Variants in DCC observed in about 807,000 individuals in gnomAD.
DCC encodes DCC netrin 1 receptor, also known as netrin receptor DCC.
In DCC, 58 loss-of-function variants were observed where a neutral mutation model predicts 172.5. The ratio of observed to expected loss-of-function variants is 0.34; its 90% confidence interval spans 0.27 to 0.42. The LOEUF (loss-of-function observed/expected upper bound fraction) is 0.42, where lower values mean the gene tolerates loss of function less well. DCC is among the 10% of genes least tolerant of loss of function. The pLI is 1.00. For missense variants in DCC, 1,740 were observed against 1,791.0 expected, an observed-to-expected ratio of 0.97 and a Z score of 0.51; for synonymous variants, 709 against 644.5, an observed-to-expected ratio of 1.10 and a Z score of -1.52.
chr18:52,369,563 C>A (rs1216910655), intron 1 of DCC, among the ~76,000 whole-genome samples: 6 of 151,944 alleles, frequency 3.9e-5, no homozygotes, highest in African/African-American at 1.5e-4. Context: ...AAACACTTTG[C>A]AAATGGAGGA....
At chr18:53,191,024 A>G (rs1347594309) in intron 9 of DCC, among the ~76,000 whole-genome samples, 22 of 152,224 alleles carry the variant, frequency 1.4e-4, no homozygotes, top group Admixed American at 1.4e-3. Context: ...ACTAACCGTC[A>G]TGCCAACGAC....
intron 2 of DCC, among the ~76,000 whole-genome samples, chr18:52,778,585 G>A (rs994923385): frequency 2.6e-5 from 4 of 152,092 alleles, no homozygotes; most frequent in African/African-American, 9.7e-5. Context: ...GCTTCCTTTA[G>A]ATACATATTT....
chr18:53,394,450 G>A (rs556035617), intron 17 of DCC, among the ~76,000 whole-genome samples: 1 of 152,172 alleles, frequency 6.6e-6, no homozygotes, highest in Non-Finnish European at 1.5e-5. Context: ...TGTTTTGATT[G>A]TCTAAAACCC....
chr18:52,714,330 ATT>A (rs2145061435), intron 1 of DCC, among the ~76,000 whole-genome samples: 1 of 152,316 alleles, frequency 6.6e-6, no homozygotes, highest in South Asian at 2.1e-4. Context: ...TTATTTGAAA[ATT>A]TCGATGAACA....
At chr18:53,314,952 T>A (rs1014211991) in intron 13 of DCC, among the ~76,000 whole-genome samples, 5 of 152,192 alleles carry the variant, frequency 3.3e-5, no homozygotes, top group African/African-American at 1.2e-4. Context: ...CTAGATGGCC[T>A]CTAAACTGCT....
At chr18:52,941,500 G>GTA (rs139847306) in intron 5 of DCC, among the ~76,000 whole-genome samples, 7 of 125,162 alleles carry the variant, frequency 5.6e-5, no homozygotes, top group African/African-American at 2.0e-4. Flanking sequence ...GTGTGTGTGT[G>GTA]TGTATATATA....
intron 27 of DCC, among the ~76,000 whole-genome samples, chr18:53,522,943 C>G (rs1047026732): frequency 2.6e-5 from 4 of 152,148 alleles, no homozygotes; most frequent in African/African-American, 9.7e-5. Context: ...AGAGCTTCTT[C>G]ATAGCAAAAG....
intron 12 of DCC, among the ~76,000 whole-genome samples, chr18:53,280,898 C>A (rs1011184801): frequency 5.3e-5 from 8 of 151,974 alleles, no homozygotes; most frequent in Non-Finnish European, 1.0e-4. Flanking sequence ...TTTCATATGA[C>A]CTAACCTAAG....
At chr18:53,072,861 A>T (rs1307953008) in intron 7 of DCC, among the ~76,000 whole-genome samples, 4 of 152,224 alleles carry the variant, frequency 2.6e-5, no homozygotes, top group Non-Finnish European at 5.9e-5. Flanking sequence ...CAGCTCTATC[A>T]TATATTAGCT....
rs1407560540 is a variant in DCC, at chr18:52,340,660, G to C, written c.-128G>C. 2 of 782,004 alleles carry C rather than the reference G, an allele frequency of 2.6e-6. No homozygotes were observed. The highest frequency in any genetic ancestry group is 1.7e-5 in the African/African-American group (1 of 59,204). 48.4% of individuals were successfully genotyped at this position (782,004 alleles called of 1,614,324 possible). A position where few individuals can be genotyped will look rare whatever the true frequency, so the allele number is the denominator to read the frequency against. On this transcript the variant is annotated 5_prime_UTR_variant, in exon 1 of 29. Coordinates refer to ENST00000442544, the MANE Select transcript of DCC (RefSeq NM_005215.4). ...GGTGGAGAAAGAGGTGGAGGAAGAG[G>C]ACGAGGAGGAGGAGGAAGCCGAAGG...
chr18:53,239,292 G>A (rs1275755157), intron 12 of DCC, among the ~76,000 whole-genome samples: 1 of 151,026 alleles, frequency 6.6e-6, no homozygotes, highest in Non-Finnish European at 1.5e-5. Flanking sequence ...AAACTGGAGG[G>A]AAGAAAAACC....
intron 7 of DCC, among the ~76,000 whole-genome samples, chr18:53,094,164 G>T (rs371045703): frequency 6.6e-6 from 1 of 152,278 alleles, no homozygotes; most frequent in East Asian, 1.9e-4. Context: ...CGGGACCAGA[G>T]TATTTAAGCT....
At chr18:53,270,221 T>G (rs1201049490) in intron 12 of DCC, among the ~76,000 whole-genome samples, 1 of 152,132 alleles carries the variant, frequency 6.6e-6, no homozygotes, top group Non-Finnish European at 1.5e-5. Flanking sequence ...ACCACTTACC[T>G]CAAAAGAGTG....
intron 7 of DCC, among the ~76,000 whole-genome samples, chr18:53,069,536 C>A (rs972438818): frequency 6.6e-6 from 1 of 151,610 alleles, no homozygotes; most frequent in Admixed American, 6.6e-5. Context: ...CCAGAGAGTG[C>A]TTTGCCAACT....
At chr18:53,038,514 C>T (rs974912544) in intron 5 of DCC, among the ~76,000 whole-genome samples, 2 of 151,944 alleles carry the variant, frequency 1.3e-5, no homozygotes, top group African/African-American at 2.4e-5. Flanking sequence ...GCCCCTAACA[C>T]CTATACACTA....
intron 2 of DCC, among the ~76,000 whole-genome samples, chr18:52,842,993 T>C (rs151000344): frequency 1.5e-3 from 222 of 152,296 alleles, no homozygotes; most frequent in Admixed American, 2.4e-3. Context: ...AGGTGCTTTT[T>C]AGATTTCCCA....
At chr18:53,022,567 G>GTT (rs1245584070) in intron 5 of DCC, among the ~76,000 whole-genome samples, 3 of 151,580 alleles carry the variant, frequency 2.0e-5, no homozygotes, top group African/African-American at 7.3e-5. Context: ...GTGTGTGTGT[G>GTT]TGTATCACTA....
intron 2 of DCC, among the ~76,000 whole-genome samples, chr18:52,869,637 C>T (rs1383868367): frequency 1.3e-5 from 2 of 152,212 alleles, no homozygotes; most frequent in Admixed American, 6.5e-5. Flanking sequence ...TGCCGAGGGG[C>T]ACCAGCAGGC....
intron 7 of DCC, among the ~76,000 whole-genome samples, chr18:53,093,416 G>T (rs1026413155): frequency 1.3e-5 from 2 of 152,130 alleles, no homozygotes; most frequent in Non-Finnish European, 2.9e-5. Context: ...TATGACATTT[G>T]TCAACATACA....
Sources: allele counts gnomAD v4.1 joint callset (sites outside exome capture counted in the v4.1 genomes callset), GRCh38; gene constraint gnomAD v4.1.1; transcripts MANE v1.5; gene names NCBI Gene and HGNC (gene_info 2026-07-23, HGNC 2026-07-21).